Variants in MIPOL1 observed in about 807,000 individuals in gnomAD.
The protein encoded by MIPOL1 is mirror-image polydactyly 1.
MIPOL1 carries 57 observed loss-of-function variants against 60.9 expected under a neutral mutation model. The ratio of observed to expected loss-of-function variants is 0.94; its 90% CI spans 0.76 to 1.17. The LOEUF (loss-of-function observed/expected upper bound fraction) is 1.17. MIPOL1 is among the 50% of genes most tolerant of loss of function. MIPOL1 has a pLI of 0.00. For synonymous variants in MIPOL1, 179 were observed against 168.8 expected (o/e 1.06, Z -0.47); for missense variants, 551 against 511.6 (o/e 1.08, Z -0.74).
At chr14:37,209,650 A>G (rs1467348895) in intron 1 of MIPOL1, among the ~76,000 whole-genome samples, 1 of 152,076 alleles carries the variant, frequency 6.6e-6, no homozygotes, top group Non-Finnish European at 1.5e-5. Flanking sequence ...ACAGAGCAAG[A>G]CTCCATCTCA....
chr14:37,224,779 G>A (rs1183490236), intron 1 of MIPOL1, among the ~76,000 whole-genome samples: 2 of 152,054 alleles, frequency 1.3e-5, no homozygotes, highest in Non-Finnish European at 2.9e-5. Flanking sequence ...GTCCCCCAAA[G>A]CCTTAACTCA....
intron 11 of MIPOL1, among the ~76,000 whole-genome samples, chr14:37,489,264 G>C (rs1360798109): frequency 6.6e-6 from 1 of 151,994 alleles, no homozygotes; most frequent in East Asian, 1.9e-4. Context: ...ATTGATACTT[G>C]TGTATGTATC....
chr14:37,313,185 C>G (rs529994321), intron 9 of MIPOL1, among the ~76,000 whole-genome samples: 9 of 152,176 alleles, frequency 5.9e-5, no homozygotes, highest in African/African-American at 2.2e-4. Flanking sequence ...CAGTAATGTC[C>G]TAAGTCATGA....
chr14:37,535,502 C>A (rs1021076474), intron 12 of MIPOL1, among the ~76,000 whole-genome samples: 1 of 152,142 alleles, frequency 6.6e-6, no homozygotes, highest in African/African-American at 2.4e-5. Flanking sequence ...ACAGCTTATT[C>A]TCACTTTCTC....
At chr14:37,277,521 A>G (rs1243491974) in intron 6 of MIPOL1, 1 of 151,316 alleles carries the variant, frequency 6.6e-6, no homozygotes, top group Non-Finnish European at 1.5e-5. Flanking sequence ...TTTTTAATAT[A>G]GTCTTTGAGT....
At chr14:37,405,312 A>C (rs982617840) in intron 10 of MIPOL1, among the ~76,000 whole-genome samples, 1 of 152,160 alleles carries the variant, frequency 6.6e-6, no homozygotes, top group Non-Finnish European at 1.5e-5. Flanking sequence ...CCACATTCAT[A>C]TACAGAATTT....
chr14:37,225,836 T>C (rs1969624368), intron 1 of MIPOL1, among the ~76,000 whole-genome samples: 1 of 152,192 alleles, frequency 6.6e-6, no homozygotes, highest in African/African-American at 2.4e-5. Flanking sequence ...TATGCTCTGC[T>C]TCCCTTATAA....
At chr14:37,229,199 C>G (rs1970241400) in intron 1 of MIPOL1, among the ~76,000 whole-genome samples, 1 of 152,110 alleles carries the variant, frequency 6.6e-6, no homozygotes, top group Non-Finnish European at 1.5e-5. Context: ...CTCTGTTGCC[C>G]AGGCTAGACT....
chr14:37,388,159 A>G (rs1265732532), intron 10 of MIPOL1, among the ~76,000 whole-genome samples: 1 of 150,202 alleles, frequency 6.7e-6, no homozygotes. Context: ...AGAAAGGATA[A>G]AAAAAAAAAC....
intron 9 of MIPOL1, among the ~76,000 whole-genome samples, chr14:37,338,539 A>T (rs1231635840): frequency 6.6e-6 from 1 of 150,586 alleles, no homozygotes; most frequent in African/African-American, 2.4e-5. Flanking sequence ...CTCCTGAATA[A>T]CTGGGACCAT....
At chr14:37,498,222 G>A (rs915891976) in intron 11 of MIPOL1, among the ~76,000 whole-genome samples, 1 of 151,998 alleles carries the variant, frequency 6.6e-6, no homozygotes, top group Non-Finnish European at 1.5e-5. Flanking sequence ...ACACTGGGGG[G>A]TCTTCTAGAT....
chr14:37,218,038 T>C (rs1021235929), intron 1 of MIPOL1, among the ~76,000 whole-genome samples: 1 of 152,224 alleles, frequency 6.6e-6, no homozygotes, highest in Non-Finnish European at 1.5e-5. Flanking sequence ...CCTTTTAGCT[T>C]CCTTTTTAGA....
intron 11 of MIPOL1, among the ~76,000 whole-genome samples, chr14:37,430,515 A>ATTTT (rs765408771): frequency 0.014 from 2,105 of 149,396 alleles, 23 homozygotes; most frequent in South Asian, 0.031. Context: ...TTTTTTTTAA[A>ATTTT]AAAAAGTATA....
chr14:37,268,698 A>T lies in MIPOL1; in HGVS notation c.292A>T (p.Met98Leu), dbSNP rs1486823789. 6.2e-7 allele frequency: 1 copy of T among 1,603,124 alleles called. No homozygotes were observed. The highest frequency in any genetic ancestry group is 8.5e-7 in the Non-Finnish European group (1 of 1,173,116). The change falls in exon 5 of 13, where the codon ATG becomes TTG. Residue 98 changes from methionine (M) to leucine (L), a missense_variant. Transcript: ENST00000684589. ...ACATAATGATATGCATTATGAATGT[A>T]TGACTCCTTGTCAAGTTACTTCAGA... Reference protein sequence around the residue: ...HRHNDMHYECMTPCQVTSDSD... With the variant: ...HRHNDMHYECLTPCQVTSDSD...
rs144948048 is a variant in MIPOL1, at chr14:37,283,218, A to G, written c.494-2100A>G. Among the ~76,000 whole-genome samples the G allele has an allele frequency of 7.4e-3, 1,122 of 152,194 alleles. 4 individuals carry two copies. Among genetic ancestry groups the G allele is most frequent in the Non-Finnish European group, 0.011 (750 of 67,998 alleles). Reference sequence around the variant, plus strand: ...GTAGCTGAGATCACGGGTGCCCGCCACCACATCCAGCTAATTTTTTGTATT... The same window carrying G: ...GTAGCTGAGATCACGGGTGCCCGCCGCCACATCCAGCTAATTTTTTGTATT... On this transcript the variant is annotated intron_variant, in intron 6 of 12. Coordinates refer to ENST00000684589, the MANE Select transcript of MIPOL1 (RefSeq NM_001388067.1).
At chr14:37,299,380 G>A (rs1382156406) in intron 7 of MIPOL1, among the ~76,000 whole-genome samples, 4 of 151,906 alleles carry the variant, frequency 2.6e-5, no homozygotes, top group Admixed American at 2.6e-4. Context: ...CATGGCACAT[G>A]TATACATATG....
At chr14:37,293,963 G>C (rs1166079174) in intron 7 of MIPOL1, among the ~76,000 whole-genome samples, 1 of 152,142 alleles carries the variant, frequency 6.6e-6, no homozygotes, top group Non-Finnish European at 1.5e-5. Context: ...AGAGAGTAGT[G>C]GTTCTTCCAG....
At chr14:37,453,109 A>G (rs1488493844) in intron 11 of MIPOL1, among the ~76,000 whole-genome samples, 1 of 152,192 alleles carries the variant, frequency 6.6e-6, no homozygotes, top group Non-Finnish European at 1.5e-5. Flanking sequence ...TTATTAAGTC[A>G]TACATAGAGC....
chr14:37,475,172 C>T (rs916655747), intron 11 of MIPOL1, among the ~76,000 whole-genome samples: 2 of 152,004 alleles, frequency 1.3e-5, no homozygotes, highest in African/African-American at 4.8e-5. Flanking sequence ...ACCATGTGGG[C>T]CAGGCTAGTC....
Sources: allele counts gnomAD v4.1 joint callset (sites outside exome capture counted in the v4.1 genomes callset), GRCh38; gene constraint gnomAD v4.1.1; transcripts MANE v1.5; gene names NCBI Gene and HGNC (gene_info 2026-07-23, HGNC 2026-07-21).